The following RBFOX1 variants were observed in gnomAD, a reference collection of about 807,000 sequenced individuals.
RBFOX1 encodes the protein RNA binding protein fox-1 homolog 1.
Under a neutral mutation model 57.7 loss-of-function variants are expected in RBFOX1, and 8 were observed. The observed-to-expected ratio is 0.14, with a 90% CI of 0.08 to 0.25. The LOEUF (loss-of-function observed/expected upper bound fraction) is 0.25. Ranked by LOEUF, RBFOX1 falls within the 10% of genes least tolerant of loss-of-function variation. The pLI is 1.00. For synonymous variants in RBFOX1, 326 were observed against 222.4 expected (o/e 1.47, Z -4.15); for missense variants, 611 against 548.5 (o/e 1.11, Z -1.14).
At chr16:7,670,596 C>G (rs1291155756) in intron 13 of RBFOX1, among the ~76,000 whole-genome samples, 1 of 151,944 alleles carries the variant, frequency 6.6e-6, no homozygotes, top group African/African-American at 2.4e-5. Flanking sequence ...AAGCAGTGAA[C>G]TAGGAGCGAA....
At chr16:5,640,523 CATGCACAT>C (rs2048827354) in intron 3 of RBFOX1, among the ~76,000 whole-genome samples, 1 of 151,928 alleles carries the variant, frequency 6.6e-6, no homozygotes. Flanking sequence ...CACATACACA[CATGCACAT>C]ACACACATGC....
chr16:7,409,537 T>C (rs533393331), intron 4 of RBFOX1, among the ~76,000 whole-genome samples: 1 of 152,344 alleles, frequency 6.6e-6, no homozygotes, highest in East Asian at 1.9e-4. Context: ...TTTCGATTAT[T>C]TTGCACTATC....
At chr16:6,980,834 G>C (rs9940778) in intron 3 of RBFOX1, among the ~76,000 whole-genome samples, 5,432 of 152,092 alleles carry the variant, frequency 0.036, 306 homozygotes, top group African/African-American at 0.12. Context: ...CTTCAGGTCA[G>C]GAGTTCAAAA....
intron 3 of RBFOX1, among the ~76,000 whole-genome samples, chr16:5,850,559 T>C (rs1228867736): frequency 2.0e-5 from 3 of 152,206 alleles, no homozygotes; most frequent in Admixed American, 1.3e-4. Context: ...ACAGTAACGA[T>C]GCATTATGAC....
At chr16:6,194,270 T>A (rs1385055741) in intron 1 of RBFOX1, among the ~76,000 whole-genome samples, 1 of 152,164 alleles carries the variant, frequency 6.6e-6, no homozygotes, top group Non-Finnish European at 1.5e-5. Flanking sequence ...TTATTCTCAC[T>A]GTTCTTTGTG....
chr16:5,660,730 A>G (rs2049618513), intron 3 of RBFOX1, among the ~76,000 whole-genome samples: 1 of 152,170 alleles, frequency 6.6e-6, no homozygotes, highest in South Asian at 2.1e-4. Context: ...ACAGATCCAT[A>G]AATTGGGCCA....
At chr16:5,917,838 C>T (rs1370145573) in intron 4 of RBFOX1, among the ~76,000 whole-genome samples, 1 of 152,152 alleles carries the variant, frequency 6.6e-6, no homozygotes. Flanking sequence ...TTTGAAATGA[C>T]TTCCCATTGC....
At chr16:6,640,726 A>G (rs2154072414) in intron 2 of RBFOX1, among the ~76,000 whole-genome samples, 1 of 152,300 alleles carries the variant, frequency 6.6e-6, no homozygotes, top group Non-Finnish European at 1.5e-5. Context: ...CCCTCTAGAA[A>G]GGAATAAAAA....
intron 3 of RBFOX1, among the ~76,000 whole-genome samples, chr16:6,657,738 C>G (rs968465452): frequency 2.0e-5 from 3 of 152,272 alleles, no homozygotes; most frequent in Non-Finnish European, 4.4e-5. Context: ...AAACCTGTCT[C>G]TGAAGCGGCA....
rs563629693 is a variant in RBFOX1 at position 6,809,022 on chromosome 16, A to G, written c.-16+154372A>G. On this transcript the variant is annotated intron_variant, in intron 3 of 15. Coordinates refer to ENST00000550418, the MANE Select transcript of RBFOX1 (RefSeq NM_018723.4). Reference sequence around the variant, plus strand: ...AAGACTGAAAACCTGACTTAGGAGTATGCACCTGTAACAATAGTTGAGTCT... The same window carrying G: ...AAGACTGAAAACCTGACTTAGGAGTGTGCACCTGTAACAATAGTTGAGTCT... Among the ~76,000 whole-genome samples, 50 of 152,292 alleles carry G rather than the reference A, an allele frequency of 3.3e-4. 1 individual carries two copies. In the South Asian group the frequency reaches 7.7e-3, roughly 23 times the overall value.
At chr16:5,324,480 A>G (rs1266489406) in intron 1 of RBFOX1, among the ~76,000 whole-genome samples, 1 of 152,022 alleles carries the variant, frequency 6.6e-6, no homozygotes, top group Non-Finnish European at 1.5e-5. Flanking sequence ...AATAAAATAC[A>G]CAATCCTAGC....
chr16:6,712,104 T>C (rs2063810636), intron 3 of RBFOX1, among the ~76,000 whole-genome samples: 1 of 152,228 alleles, frequency 6.6e-6, no homozygotes, highest in Admixed American at 6.5e-5. Context: ...ACAGACTTAT[T>C]AGAGAGGCTT....
chr16:5,960,423 A>T (rs1280699928), intron 4 of RBFOX1, among the ~76,000 whole-genome samples: 1 of 152,116 alleles, frequency 6.6e-6, no homozygotes, highest in Non-Finnish European at 1.5e-5. Flanking sequence ...CCCCTCCCAA[A>T]TTCCATTTTT....
At chr16:5,745,037 G>C (rs1335601921) in intron 3 of RBFOX1, among the ~76,000 whole-genome samples, 5 of 152,108 alleles carry the variant, frequency 3.3e-5, no homozygotes, top group Non-Finnish European at 7.4e-5. Context: ...TTGGTGTGCT[G>C]TACCCATTAA....
intron 1 of RBFOX1, among the ~76,000 whole-genome samples, chr16:6,089,170 C>A (rs569878785): frequency 1.3e-5 from 2 of 151,532 alleles, no homozygotes; most frequent in Non-Finnish European, 2.9e-5. Context: ...TAAGATGCTG[C>A]GAGAATTGCT....
At chr16:7,244,181 A>G (rs1451843522) in intron 4 of RBFOX1, among the ~76,000 whole-genome samples, 4 of 151,574 alleles carry the variant, frequency 2.6e-5, no homozygotes. Context: ...GAGTAAATAA[A>G]CATTTATAAT....
Position 7,224,476 on chromosome 16 carries a change from T to G in RBFOX1, c.27+172378T>G, listed in dbSNP as rs191324227. On this transcript the variant is annotated intron_variant, in intron 4 of 15. Coordinates refer to ENST00000550418, the MANE Select transcript of RBFOX1 (RefSeq NM_018723.4). ...AGTGCTTCTCAGTCTTGGCTGCAAA[T>G]GATCGAGCTATAAAAATACTGCTAC... Among the ~76,000 whole-genome samples, 117 of 152,174 alleles carry G rather than the reference T, an allele frequency of 7.7e-4. No individual in the cohort carries two copies. In the East Asian group the frequency reaches 0.02, roughly 26 times the overall value.
intron 3 of RBFOX1, among the ~76,000 whole-genome samples, chr16:6,933,394 A>G (rs751475376): frequency 1.2e-4 from 19 of 152,240 alleles, no homozygotes; most frequent in African/African-American, 4.3e-4. Context: ...ATCATTGCCA[A>G]CACTTATATT....
At chr16:7,184,726 G>A (rs527647526) in intron 4 of RBFOX1, among the ~76,000 whole-genome samples, 1 of 152,256 alleles carries the variant, frequency 6.6e-6, no homozygotes, top group Admixed American at 6.5e-5. Flanking sequence ...AAAATTTGGG[G>A]CAATGTGGAG....
Sources: allele counts gnomAD v4.1 joint callset (sites outside exome capture counted in the v4.1 genomes callset), GRCh38; gene constraint gnomAD v4.1.1; transcripts MANE v1.5; gene names NCBI Gene and HGNC (gene_info 2026-07-23, HGNC 2026-07-21).